IDH1: variants seen among roughly 807,000 people sequenced by gnomAD.
The protein encoded by IDH1 is isocitrate dehydrogenase (NADP(+)) 1.
A neutral mutation model predicts 46.1 loss-of-function variants in IDH1; 33 were observed. That is an observed-to-expected ratio of 0.72 (90% CI 0.54 to 0.96). The LOEUF is 0.96. Ranked by LOEUF, IDH1 falls within the 40% of genes least tolerant of loss-of-function variation. The pLI is 0.00. For missense variants in IDH1, 421 were observed against 515.7 expected (o/e 0.82, Z 1.78); for synonymous variants, 144 against 172.8 (o/e 0.83, Z 1.31).
Position 208,243,605 on chromosome 2 carries a change from C to T in IDH1, c.521-1G>A. 2 of 1,612,676 alleles carry T rather than the reference C, an allele frequency of 1.2e-6. No homozygotes were observed. Among genetic ancestry groups the T allele is most frequent in the Non-Finnish European group, 1.7e-6 (2 of 1,178,736 alleles). ...ATCCCCATGGCAACACCACCACCTT[C>T]TGTAGAGGAGAAGCCAGTGAGAGGA... is the stretch of plus-strand genomic sequence containing the variant. On this transcript the variant is annotated splice_acceptor_variant, in intron 5 of 9. Coordinates refer to ENST00000345146, the MANE Select transcript of IDH1 (RefSeq NM_005896.4). LOFTEE classifies it high-confidence loss of function.
At chr2:208,241,909 C>A in intron 7 of IDH1, 85 bp downstream of exon 7, 1 of 1,384,170 alleles carries the variant, frequency 7.2e-7, no homozygotes, top group Non-Finnish European at 1.0e-6. Flanking sequence ...GATTTTACAA[C>A]AAAGGACTAC....
chr2:208,252,613 TTC>T (rs1341909672), intron 2 of IDH1, among the ~76,000 whole-genome samples: 1 of 152,218 alleles, frequency 6.6e-6, no homozygotes, highest in Non-Finnish European at 1.5e-5. Flanking sequence ...ATTGCTTTTA[TTC>T]TCTTAAGGAC....
At chr2:208,243,370 A>AT in intron 6 of IDH1, 57 bp downstream of exon 6, 1 of 1,267,720 alleles carries the variant, frequency 7.9e-7, no homozygotes, top group Non-Finnish European at 1.1e-6. Flanking sequence ...CATACTCTAT[A>AT]TGCAAATGTC....
intron 9 of IDH1, among the ~76,000 whole-genome samples, chr2:208,237,488 A>G (rs1018126780): frequency 1.1e-4 from 16 of 152,190 alleles, no homozygotes; most frequent in African/African-American, 3.9e-4. Flanking sequence ...TGAGACCAAA[A>G]TCATCACACT....
At chr2:208,240,214 C>G in intron 7 of IDH1, 1 of 599,786 alleles carries the variant, frequency 1.7e-6, no homozygotes. Flanking sequence ...TGCATTTTCC[C>G]CTCACTTATT....
rs1336036996 is a variant in IDH1, at chr2:208,243,433, T to C, written c.692A>G (p.Tyr231Cys). The C allele has an allele frequency of 6.2e-7, 1 of 1,610,718 alleles. No individual in the cohort carries two copies. Among genetic ancestry groups the C allele is most frequent in the Admixed American group, 1.7e-5 (1 of 60,024 alleles). Residue 231 changes from tyrosine to cysteine, a missense_variant, in exon 6 of 10, where the codon TAT (tyrosine) becomes TGT (cysteine). Transcript: ENST00000345146. Reference sequence around the variant, plus strand: ...AAAAAAGAACTATAGTTACTTGTCATATATCTCCTGAAAGATGTCTTTAAA... The same window carrying C: ...AAAAAAGAACTATAGTTACTTGTCACATATCTCCTGAAAGATGTCTTTAAA... ...GRFKDIFQEI[Y>C]DKQYKSQFEA...
intron 3 of IDH1, among the ~76,000 whole-genome samples, chr2:208,249,533 T>C (rs1468947844): frequency 6.6e-6 from 1 of 152,208 alleles, no homozygotes; most frequent in African/African-American, 2.4e-5. Flanking sequence ...CCAGGGAGCA[T>C]AGAAAATGAC....
intron 4 of IDH1, 90 bp from the exon 5 acceptor site, chr2:208,245,514 C>T: frequency 1.4e-6 from 1 of 726,212 alleles, no homozygotes; most frequent in South Asian, 1.5e-5. Context: ...ACCTAGAAGA[C>T]ACCTAGACAA....
In IDH1 at chr2:208,236,940, T is replaced by G; in HGVS notation, c.*139A>C. ...TATATATAAGAAAAAGGCTGTAAAC[T>G]TATAGAAAAGATAAACTCTGGCTTC... On this transcript the variant is annotated 3_prime_UTR_variant, in exon 10 of 10. Coordinates refer to ENST00000345146, the MANE Select transcript of IDH1 (RefSeq NM_005896.4). 1.6e-6 allele frequency: 1 copy of G among 634,692 alleles called. No homozygotes were observed. The highest frequency in any genetic ancestry group is 2.8e-6 in the Non-Finnish European group (1 of 358,054). The allele number at this position is 634,692 out of a possible 1,614,324, so 39.3% of individuals were successfully genotyped here.
At position 208,243,354 on chromosome 2, in the gene IDH1, G is replaced by T. The variant is rs1052342132; in HGVS notation, c.698+73C>A. ...ATTTACCCAGAATCATAGGGATAGGGAGATACATACTCTATATGCAAATGT... is the reference window on the plus strand; with the variant it reads ...ATTTACCCAGAATCATAGGGATAGGTAGATACATACTCTATATGCAAATGT... On this transcript the variant is annotated intron_variant, in intron 6 of 9. Coordinates refer to ENST00000345146, the MANE Select transcript of IDH1 (RefSeq NM_005896.4). 4.6e-5 allele frequency: 51 copies of T among 1,104,772 alleles called. 1 individual carries two copies. Among genetic ancestry groups the T allele is most frequent in the Non-Finnish European group, 6.6e-5 (48 of 728,632 alleles). 68.4% of individuals were successfully genotyped at this position (1,104,772 alleles called of 1,614,324 possible).
intron 5 of IDH1, among the ~76,000 whole-genome samples, chr2:208,243,849 C>T (rs1360116708): frequency 3.9e-5 from 6 of 152,094 alleles, no homozygotes; most frequent in Admixed American, 2.6e-4. Flanking sequence ...AAAAAACATA[C>T]AGTCTTTAAA....
rs747419787 is a variant in IDH1 at position 208,248,428 on chromosome 2, G to A, written c.355C>T (p.Arg119Trp). ...GGTTTTACCCATCCACTCACAAGCC[G>A]GGGGATATTTTTGCAGATAATGGCT... ...REAIICKNIPRLVSGWVKPII... is the reference protein window; with the variant it reads ...REAIICKNIPWLVSGWVKPII... Residue 119 changes from arginine to tryptophan, a missense_variant, in exon 4 of 10, where the codon CGG (arginine) becomes TGG (tryptophan). Physicochemically the swap from Arg to Trp is moderately radical, Grantham distance 101. Coordinates refer to ENST00000345146, the MANE Select transcript of IDH1 (RefSeq NM_005896.4). 17 of 1,613,842 alleles carry A rather than the reference G, an allele frequency of 1.1e-5. No homozygotes were observed. The highest frequency in any genetic ancestry group is 3.3e-4 in the Middle Eastern group (2 of 6,084).
chr2:208,245,586 T>A, intron 4 of IDH1, among the ~76,000 whole-genome samples, 162 bp from the exon 5 acceptor site: 1 of 130,664 alleles, frequency 7.7e-6, no homozygotes. Flanking sequence ...GATGAAGAGG[T>A]CCAGACATTC....
At chr2:208,237,597 ATGT>A (rs1489450848) in intron 9 of IDH1, among the ~76,000 whole-genome samples, 7 of 152,110 alleles carry the variant, frequency 4.6e-5, no homozygotes, top group African/African-American at 1.7e-4. Context: ...AAAAGTTATA[ATGT>A]TGTTATTTCT....
At chr2:208,251,238 C>G in intron 3 of IDH1, 192 bp downstream of exon 3, 2 of 470,988 alleles carry the variant, frequency 4.2e-6, no homozygotes, top group Non-Finnish European at 7.5e-6. Context: ...TCCTGTTTCT[C>G]CTTCCCTTTT....
At chr2:208,250,856 T>C (rs1173136622) in intron 3 of IDH1, among the ~76,000 whole-genome samples, 2 of 152,358 alleles carry the variant, frequency 1.3e-5, no homozygotes, top group South Asian at 2.1e-4. Flanking sequence ...AACAGGTCCA[T>C]TGACTAAGTA....
intron 2 of IDH1, among the ~76,000 whole-genome samples, chr2:208,252,105 ATAAC>A (rs947829355): frequency 1.6e-4 from 25 of 152,236 alleles, no homozygotes; most frequent in Admixed American, 1.2e-3. Flanking sequence ...TTTAATAAAA[ATAAC>A]TAGCCATGAG....
chr2:208,248,269 G>A (rs1052435120), intron 4 of IDH1, 100 bp downstream of exon 4: 79 of 1,016,238 alleles, frequency 7.8e-5, no homozygotes, highest in Middle Eastern at 5.8e-4. Context: ...CTTAATGGGT[G>A]TAGATACCAA....
intron 4 of IDH1, chr2:208,248,150 A>C (rs1304955386): frequency 1.7e-6 from 1 of 586,010 alleles, no homozygotes; most frequent in Non-Finnish European, 3.0e-6. Context: ...GTTTGAAAAA[A>C]AATGTGTTGA....
Sources: gnomAD v4.1 joint callset for allele counts (sites outside exome capture counted in the v4.1 genomes callset) on GRCh38, gnomAD v4.1.1 for gene constraint, MANE v1.5 for transcripts, NCBI Gene and HGNC (gene_info 2026-07-23, HGNC 2026-07-21) for gene names.